Variants in MAX observed in about 807,000 individuals in gnomAD.
MAX encodes the protein protein max.
In MAX, 3 loss-of-function variants were observed where a neutral mutation model predicts 22.3. That is an observed-to-expected ratio of 0.13 (90% CI 0.06 to 0.35). The LOEUF is 0.35. Among genes scored for constraint, MAX ranks in the 10% least tolerant of loss-of-function variants. The pLI is 1.00. For missense variants in MAX, 119 were observed against 209.4 expected, an observed-to-expected ratio of 0.57 and a Z score of 2.66; for synonymous variants, 72 against 77.7, an observed-to-expected ratio of 0.93 and a Z score of 0.39.
intron 3 of MAX, chr14:65,061,459 C>A: frequency 7.5e-7 from 1 of 1,341,308 alleles, no homozygotes; most frequent in Non-Finnish European, 9.9e-7. Flanking sequence ...TCAAACAAAA[C>A]CAATGGCTCT....
At chr14:65,060,604 G>A (rs2062840906) in intron 3 of MAX, among the ~76,000 whole-genome samples, 1 of 124,912 alleles carries the variant, frequency 8.0e-6, no homozygotes, top group Non-Finnish European at 1.5e-5. Context: ...GCTGAGGCAG[G>A]AGAATGGCGT....
chr14:65,050,535 G>C (rs1317437924), intron 3 of MAX, among the ~76,000 whole-genome samples: 1 of 152,146 alleles, frequency 6.6e-6, no homozygotes, highest in Non-Finnish European at 1.5e-5. Context: ...AGGTTGCAGT[G>C]AGCTGAGATC....
intron 3 of MAX, among the ~76,000 whole-genome samples, chr14:65,035,385 A>G (rs1288331846): frequency 6.6e-6 from 1 of 151,860 alleles, no homozygotes; most frequent in African/African-American, 2.4e-5. Flanking sequence ...GTTTTTTTGT[A>G]TTTTGTTCAG....
At position 65,044,616 on chromosome 14, in the gene MAX, T is replaced by C; in HGVS notation, c.172-38332A>G. 1 of 957,738 alleles carries C rather than the reference T, an allele frequency of 1.0e-6. No homozygotes were observed. The highest frequency in any genetic ancestry group is 2.1e-5 in the South Asian group (1 of 48,472). 59.3% of individuals were successfully genotyped at this position (957,738 alleles called of 1,614,324 possible). A position where few individuals can be genotyped will look rare whatever the true frequency, so the allele number is the denominator to read the frequency against. On this transcript the variant is annotated intron_variant, in intron 3 of 3. Transcript: ENST00000341653. The surrounding 1 kb of genome is among the most constrained non-coding windows in gnomAD (Gnocchi z 5.5). The stretch of plus-strand genomic sequence containing the variant: ...GGGGCATGCGAATGCAGAGTAAGAT[T>C]TAGTTTCATTGGTTTAGTGTCATTC...
chr14:65,063,569 A>G (rs756540114), intron 3 of MAX, among the ~76,000 whole-genome samples: 10 of 152,084 alleles, frequency 6.6e-5, no homozygotes, highest in Admixed American at 1.3e-4. Context: ...AGATTTGTCT[A>G]TTCACTCATT....
In MAX at chr14:65,032,487, AAGAGTGAGGAC is replaced by A; in HGVS notation, c.172-26214_172-26204del. On this transcript the variant is annotated intron_variant, in intron 3 of 3. Transcript: ENST00000341653. The surrounding 1 kb of genome is among the most constrained non-coding windows in gnomAD (Gnocchi z 5.0). ...GACCCAGGAGGACTGACCGTGTGCC[AAGAGTGAGGAC>A]AGGAGGTGATTACAGCTTACTAGGC... The A allele has an allele frequency of 1.0e-6, 1 of 989,698 alleles. No individual in the cohort carries two copies. The highest frequency in any genetic ancestry group is 1.4e-6 in the Non-Finnish European group (1 of 695,620). The allele number at this position is 989,698 out of a possible 1,614,324, so 61.3% of individuals were successfully genotyped here.
intron 3 of MAX, among the ~76,000 whole-genome samples, chr14:65,010,676 C>T (rs1358616255): frequency 6.6e-6 from 1 of 152,224 alleles, no homozygotes; most frequent in Non-Finnish European, 1.5e-5. Context: ...ATCTCAAAAA[C>T]CTTCAGGACT....
intron 3 of MAX, among the ~76,000 whole-genome samples, chr14:65,036,516 C>T (rs1201119570): frequency 1.3e-5 from 2 of 152,072 alleles, no homozygotes; most frequent in Non-Finnish European, 2.9e-5. Flanking sequence ...GGATTATAGG[C>T]GTGAGCCACC....
intron 3 of MAX, among the ~76,000 whole-genome samples, chr14:65,068,220 A>G (rs2139715790): frequency 6.6e-6 from 1 of 152,190 alleles, no homozygotes. Context: ...GGATCACTTG[A>G]GGTCAGGAGT....
At position 65,084,295 on chromosome 14, in the gene MAX, TA is replaced by T; in HGVS notation, c.172-6260del. On this transcript the variant is annotated intron_variant, in intron 3 of 4. Coordinates refer to ENST00000358664, the MANE Select transcript of MAX (RefSeq NM_002382.5). This position sits in a 1 kb window ranked among gnomAD's most constrained non-coding sequence, Gnocchi z 4.3. ...AGTACACAATTTCCAAAAGAGGAAA[TA>T]GAGCTAGTAAATAAACATGTGGAAA... The T allele has an allele frequency of 2.0e-6, 3 of 1,512,690 alleles. No individual in the cohort carries two copies. Among genetic ancestry groups the T allele is most frequent in the Non-Finnish European group, 2.8e-6 (3 of 1,088,052 alleles). The allele number at this position is 1,512,690 out of a possible 1,614,324, so 93.7% of individuals were successfully genotyped here.
Position 65,077,274 on chromosome 14 carries a change from G to A in MAX, c.296-611C>T. ...CCTTGGTTCAGCTCAGCTTGAGCCT[G>A]GAAGGTCAACCCATTTAATTTATTT... On this transcript the variant is annotated intron_variant, in intron 4 of 4. Coordinates refer to ENST00000358664, the MANE Select transcript of MAX (RefSeq NM_002382.5). This position sits in a 1 kb window ranked among gnomAD's most constrained non-coding sequence, Gnocchi z 6.3. 8.3e-6 allele frequency: 10 copies of A among 1,200,648 alleles called. No individual in the cohort carries two copies. Among genetic ancestry groups the A allele is most frequent in the South Asian group, 2.6e-5 (2 of 76,520 alleles). The allele number at this position is 1,200,648 out of a possible 1,614,324, so 74.4% of individuals were successfully genotyped here.
intron 3 of MAX, among the ~76,000 whole-genome samples, chr14:65,057,902 C>T (rs2062774750): frequency 6.6e-6 from 1 of 152,136 alleles, no homozygotes. Context: ...TTATTTTGTT[C>T]CTTTGGTCTG....
At chr14:65,041,864 A>G (rs2062361548) in intron 3 of MAX, among the ~76,000 whole-genome samples, 1 of 152,208 alleles carries the variant, frequency 6.6e-6, no homozygotes, top group Non-Finnish European at 1.5e-5. Context: ...AAAAAGTCCC[A>G]TCTCCCAGGC....
At chr14:65,064,730 C>A (rs1161243999) in intron 3 of MAX, among the ~76,000 whole-genome samples, 1 of 152,242 alleles carries the variant, frequency 6.6e-6, no homozygotes, top group Admixed American at 6.5e-5. Context: ...TCATTAGAAG[C>A]ACGTAGTTTT....
rs1234563632 is a variant in MAX, at chr14:65,007,140, T to C, written c.172-856A>G. Among the ~76,000 whole-genome samples, 2 of 152,184 alleles carry C rather than the reference T, an allele frequency of 1.3e-5. No individual in the cohort carries two copies. The highest frequency in any genetic ancestry group is 2.9e-5 in the Non-Finnish European group (2 of 68,030). ...ATGGCTGAGTATATAATTCAACATATCAATATAAGGCTGAAGGCAAACATC... is the reference window on the plus strand; with the variant it reads ...ATGGCTGAGTATATAATTCAACATACCAATATAAGGCTGAAGGCAAACATC... On this transcript the variant is annotated intron_variant, in intron 3 of 3. Coordinates refer to the MAX transcript ENST00000341653. This position sits in a 1 kb window ranked among gnomAD's most constrained non-coding sequence, Gnocchi z 4.9.
chr14:65,100,246 TC>T (rs35785852), intron 2 of MAX, among the ~76,000 whole-genome samples: 41,093 of 151,944 alleles, frequency 0.27, 6,127 homozygotes, highest in Non-Finnish European at 0.34. Flanking sequence ...GGTTAAGAGA[TC>T]GAGACCAGCC....
At chr14:65,052,169 A>G (rs1010632041) in intron 3 of MAX, among the ~76,000 whole-genome samples, 2 of 152,164 alleles carry the variant, frequency 1.3e-5, no homozygotes. Flanking sequence ...GTTACCTTAT[A>G]TGTCCACTTA....
rs1445808350 is a variant in MAX, at chr14:65,077,255, T to C, written c.296-592A>G. ...ACACCACCCACTGCCCATCCCTTGG[T>C]TCAGCTCAGCTTGAGCCTGGAAGGT... On this transcript the variant is annotated intron_variant, in intron 4 of 4. Coordinates refer to ENST00000358664, the MANE Select transcript of MAX (RefSeq NM_002382.5). The surrounding 1 kb of genome is among the most constrained non-coding windows in gnomAD (Gnocchi z 6.3). The C allele has an allele frequency of 7.8e-6, 8 of 1,020,736 alleles. No individual in the cohort carries two copies. Among genetic ancestry groups the C allele is most frequent in the Non-Finnish European group, 1.2e-5 (8 of 668,414 alleles). 63.2% of individuals were successfully genotyped at this position (1,020,736 alleles called of 1,614,324 possible).
In MAX at chr14:65,088,084, C is replaced by T. The variant is rs1046522473; in HGVS notation, c.171+5624G>A. ...CCTTGCCTTCGCCATGATTGTGAGGCTTCCTTCCAGCCACGTGGAACTGTA... is the reference window on the plus strand; with the variant it reads ...CCTTGCCTTCGCCATGATTGTGAGGTTTCCTTCCAGCCACGTGGAACTGTA... On this transcript the variant is annotated intron_variant, in intron 3 of 4. Coordinates refer to ENST00000358664, the MANE Select transcript of MAX (RefSeq NM_002382.5). The surrounding 1 kb of genome is among the most constrained non-coding windows in gnomAD (Gnocchi z 5.2). Among the ~76,000 whole-genome samples, 4 of 152,336 alleles carry T rather than the reference C, an allele frequency of 2.6e-5. No individual in the cohort carries two copies. The highest frequency in any genetic ancestry group is 1.3e-4 in the Admixed American group (2 of 15,306).
Sources: gnomAD v4.1 joint callset for allele counts (sites outside exome capture counted in the v4.1 genomes callset) on GRCh38, gnomAD v4.1.1 for gene constraint, Gnocchi (gnomAD v3.1) non-coding constraint, MANE v1.5 for transcripts, NCBI Gene and HGNC (gene_info 2026-07-23, HGNC 2026-07-21) for gene names.